Variants in SLC35F3 observed in about 807,000 individuals in gnomAD.
The protein encoded by SLC35F3 is solute carrier family 35 member F3, also known as putative thiamine transporter SLC35F3.
Under a neutral mutation model 49.9 loss-of-function variants are expected in SLC35F3, and 25 were observed. The observed-to-expected ratio is 0.50, with a 90% confidence interval of 0.37 to 0.70. The LOEUF is 0.70. SLC35F3 is among the 30% of genes least tolerant of loss of function. SLC35F3 has a pLI of 0.00. For missense variants in SLC35F3, 525 were observed against 639.8 expected (o/e 0.82, Z 1.94); for synonymous variants, 275 against 265.4 (o/e 1.04, Z -0.35).
At chr1:233,911,733 A>G (rs1272440447) in intron 2 of SLC35F3, among the ~76,000 whole-genome samples, 1 of 152,220 alleles carries the variant, frequency 6.6e-6, no homozygotes, top group Non-Finnish European at 1.5e-5. Context: ...GAGATAAGTG[A>G]TGGGAGACAC....
chr1:234,180,140 T>C (rs1003559936), intron 2 of SLC35F3, among the ~76,000 whole-genome samples: 4 of 152,196 alleles, frequency 2.6e-5, no homozygotes, highest in African/African-American at 9.7e-5. Context: ...GCTCCAGTTC[T>C]GGTGGTTTGT....
At chr1:234,088,388 AG>A (rs1238872400) in intron 2 of SLC35F3, among the ~76,000 whole-genome samples, 1 of 152,140 alleles carries the variant, frequency 6.6e-6, no homozygotes, top group African/African-American at 2.4e-5. Flanking sequence ...TTGTATTTTT[AG>A]TAGAAAGGGA....
chr1:234,032,870 G>T (rs1238353486), intron 2 of SLC35F3, among the ~76,000 whole-genome samples: 1 of 151,974 alleles, frequency 6.6e-6, no homozygotes, highest in Non-Finnish European at 1.5e-5. Context: ...TTTTCCTCTG[G>T]GTAGCTACCC....
chr1:234,014,301 ACT>A (rs1324138955), intron 2 of SLC35F3, among the ~76,000 whole-genome samples: 2 of 152,196 alleles, frequency 1.3e-5, no homozygotes, highest in Admixed American at 6.5e-5. Context: ...TTATAATGAA[ACT>A]CTCTACAAAT....
chr1:234,217,796 T>G (rs962547143), intron 2 of SLC35F3, among the ~76,000 whole-genome samples: 4 of 151,754 alleles, frequency 2.6e-5, no homozygotes, highest in African/African-American at 9.7e-5. Context: ...AGAGGCCATC[T>G]AAGAAGGAAG....
intron 2 of SLC35F3, among the ~76,000 whole-genome samples, chr1:233,906,865 G>A (rs1020370735): frequency 6.6e-6 from 1 of 152,176 alleles, no homozygotes; most frequent in Non-Finnish European, 1.5e-5. Flanking sequence ...TTTGCAGGAA[G>A]AAACAGGATT....
At chr1:233,948,460 A>G (rs540515904) in intron 2 of SLC35F3, among the ~76,000 whole-genome samples, 4 of 152,304 alleles carry the variant, frequency 2.6e-5, no homozygotes, top group Non-Finnish European at 5.9e-5. Context: ...AGTGGGTACC[A>G]CAACAGTTAA....
intron 2 of SLC35F3, among the ~76,000 whole-genome samples, chr1:233,918,949 T>C (rs1172989260): frequency 6.6e-6 from 1 of 152,140 alleles, no homozygotes; most frequent in Non-Finnish European, 1.5e-5. Flanking sequence ...TGTAATGTAC[T>C]TTAAGTAGTT....
Position 234,041,978 on chromosome 1 carries a change from C to CT in SLC35F3, c.283+136222dup, listed in dbSNP as rs752820064. ...CATCTTTATGCACGTGCATGTCCCC[C>CT]TTATGGCATCAGTGGGGCCCATGCA... is the stretch of plus-strand genomic sequence containing the variant. On this transcript the variant is annotated intron_variant, in intron 2 of 7. Coordinates refer to ENST00000366618, the MANE Select transcript of SLC35F3 (RefSeq NM_173508.4). Among the ~76,000 whole-genome samples the CT allele has an allele frequency of 6.6e-5, 10 of 152,262 alleles. No individual in the cohort carries two copies. In the East Asian group the frequency reaches 1.5e-3, roughly 24 times the overall value.
rs11799353 is a variant in SLC35F3 at position 233,921,912 on chromosome 1, G to A, written c.283+16154G>A. Among the ~76,000 whole-genome samples, 1,084 of 151,388 alleles carry A rather than the reference G, an allele frequency of 7.2e-3. 12 individuals are homozygous for A. Among genetic ancestry groups the A allele is most frequent in the African/African-American group, 0.024 (981 of 41,224 alleles). ...TGGGTATTTGGTTTTCTGTCCTTGCGATAGTTTGCTCAGAATGATGGTTTC... is the reference window on the plus strand; with the variant it reads ...TGGGTATTTGGTTTTCTGTCCTTGCAATAGTTTGCTCAGAATGATGGTTTC... On this transcript the variant is annotated intron_variant, in intron 2 of 7. Coordinates refer to ENST00000366618, the MANE Select transcript of SLC35F3 (RefSeq NM_173508.4).
chr1:234,275,489 C>A (rs893994007), intron 3 of SLC35F3, among the ~76,000 whole-genome samples: 1 of 152,056 alleles, frequency 6.6e-6, no homozygotes, highest in African/African-American at 2.4e-5. Context: ...AGATTCTTTT[C>A]TCAATATTGC....
At chr1:234,312,400 C>T (rs1192830976) in intron 4 of SLC35F3, among the ~76,000 whole-genome samples, 1 of 152,182 alleles carries the variant, frequency 6.6e-6, no homozygotes, top group Non-Finnish European at 1.5e-5. Flanking sequence ...AAGATCAGTT[C>T]GCATCTCAAT....
chr1:234,277,218 G>A (rs935164793), intron 3 of SLC35F3, among the ~76,000 whole-genome samples: 14 of 152,228 alleles, frequency 9.2e-5, no homozygotes, highest in Admixed American at 8.5e-4. Flanking sequence ...CGGTAGGTTG[G>A]GGGTTGAGGG....
chr1:234,075,633 G>A (rs1356832274), intron 2 of SLC35F3, among the ~76,000 whole-genome samples: 1 of 152,174 alleles, frequency 6.6e-6, no homozygotes, highest in Non-Finnish European at 1.5e-5. Flanking sequence ...GAGCAGTCAG[G>A]AGTAAATAAA....
rs577021712 is a variant in SLC35F3, at chr1:234,067,937, G to T, written c.283+162179G>T. On this transcript the variant is annotated intron_variant, in intron 2 of 7. Coordinates refer to ENST00000366618, the MANE Select transcript of SLC35F3 (RefSeq NM_173508.4). ...CCTTCAAATAAAGTAGCTGGGTTTG[G>T]TGAAGACCTCTGAAATATCTGTTTG... Among the ~76,000 whole-genome samples, 125 of 152,310 alleles carry T rather than the reference G, an allele frequency of 8.2e-4. 1 individual carries two copies. The highest frequency in any genetic ancestry group is 2.8e-3 in the African/African-American group (116 of 41,574).
rs541439770 is a variant in SLC35F3 at position 234,095,841 on chromosome 1, A to G, written c.284-135576A>G. On this transcript the variant is annotated intron_variant, in intron 2 of 7. Transcript: ENST00000366618. ...TGTCATAGGGAGATGGTGGGGATGA[A>G]TGAGTTAATGTTCACTTAGCACTTG... Among the ~76,000 whole-genome samples, 7 of 152,314 alleles carry G rather than the reference A, an allele frequency of 4.6e-5. No homozygotes were observed. The South Asian group carries it at 1.0e-3, about 23-fold the overall frequency.
At chr1:234,130,598 G>A (rs1270030814) in intron 2 of SLC35F3, among the ~76,000 whole-genome samples, 3 of 146,254 alleles carry the variant, frequency 2.1e-5, no homozygotes, top group Non-Finnish European at 3.0e-5. Context: ...GAGAGATCGT[G>A]CCACTGCACT....
intron 4 of SLC35F3, among the ~76,000 whole-genome samples, chr1:234,312,172 G>A (rs1657372169): frequency 6.6e-6 from 1 of 152,168 alleles, no homozygotes; most frequent in Non-Finnish European, 1.5e-5. Flanking sequence ...CTGCCTGCTA[G>A]CTGCAGCCAG....
chr1:234,016,558 A>G (rs1188092961), intron 2 of SLC35F3, among the ~76,000 whole-genome samples: 1 of 152,224 alleles, frequency 6.6e-6, no homozygotes, highest in African/African-American at 2.4e-5. Context: ...AAAGACAAAT[A>G]CAATGTGACC....
Sources: gnomAD v4.1 joint callset for allele counts (sites outside exome capture counted in the v4.1 genomes callset) on GRCh38, gnomAD v4.1.1 for gene constraint, MANE v1.5 for transcripts, NCBI Gene and HGNC (gene_info 2026-07-23, HGNC 2026-07-21) for gene names.